The following ACOT13 variants were observed in gnomAD, a reference collection of about 807,000 sequenced individuals.
The protein encoded by ACOT13 is acyl-coenzyme A thioesterase 13.
A neutral mutation model predicts 11.8 loss-of-function variants in ACOT13; 10 were observed. The ratio of observed to expected loss-of-function variants is 0.85; its 90% CI spans 0.53 to 1.44. The LOEUF is 1.44. ACOT13 is among the 40% of genes most tolerant of loss of function. The probability of loss-of-function intolerance (pLI) is 0.00; values close to 1 mark genes in which losing one functional copy is unlikely to be tolerated. For missense variants in ACOT13, 172 were observed against 174.1 expected, an observed-to-expected ratio of 0.99 and a Z score of 0.07; for synonymous variants, 53 against 61.0, an observed-to-expected ratio of 0.87 and a Z score of 0.61.
intron 1 of ACOT13, among the ~76,000 whole-genome samples, chr6:24,676,831 T>A (rs1415415590): frequency 5.9e-5 from 9 of 152,216 alleles, no homozygotes; most frequent in Non-Finnish European, 2.9e-5. Context: ...TCTTTAGGTT[T>A]CTGTACAGCC....
At chr6:24,667,992 C>A (rs1778290573) in intron 1 of ACOT13, among the ~76,000 whole-genome samples, 1 of 152,162 alleles carries the variant, frequency 6.6e-6, no homozygotes. Context: ...GCAACCTCCA[C>A]CTCCCTGGTT....
chr6:24,669,206 G>A (rs12214903), intron 1 of ACOT13, among the ~76,000 whole-genome samples: 5,229 of 152,336 alleles, frequency 0.034, 144 homozygotes, highest in Middle Eastern at 0.12. Flanking sequence ...TGTGCCCAAG[G>A]TGGTCAGAGC....
intron 1 of ACOT13, among the ~76,000 whole-genome samples, chr6:24,689,828 G>A (rs994771049): frequency 3.9e-5 from 6 of 152,128 alleles, no homozygotes; most frequent in Admixed American, 1.3e-4. Context: ...GAACTCAAGA[G>A]TTATTCATAT....
intron 2 of ACOT13, among the ~76,000 whole-genome samples, chr6:24,698,771 G>A (rs867042702): frequency 6.6e-6 from 1 of 151,752 alleles, no homozygotes; most frequent in African/African-American, 2.4e-5. Flanking sequence ...CCTAGTAGCT[G>A]GGATTACAGG....
At chr6:24,674,579 T>A (rs915414444) in intron 1 of ACOT13, among the ~76,000 whole-genome samples, 3 of 151,660 alleles carry the variant, frequency 2.0e-5, no homozygotes, top group Non-Finnish European at 4.4e-5. Context: ...TGGCTAATTT[T>A]CATTTTTTGT....
chr6:24,681,059 T>C lies in ACOT13; in HGVS notation c.81+13715T>C, dbSNP rs541597838. On this transcript the variant is annotated intron_variant, in intron 1 of 2. Transcript: ENST00000230048. ...TCGGACCTTTGTATGGTAATTAAGA[T>C]TTAAATCCTTTGTTAGGAAATCTGC... Among the ~76,000 whole-genome samples the C allele has an allele frequency of 9.2e-5, 14 of 152,372 alleles. No individual in the cohort carries two copies. The South Asian group carries it at 2.9e-3, about 32-fold the overall frequency.
At chr6:24,672,329 T>G (rs554596295) in intron 1 of ACOT13, among the ~76,000 whole-genome samples, 1 of 152,222 alleles carries the variant, frequency 6.6e-6, no homozygotes. Context: ...ATCTATAAAA[T>G]TTTAAACTTG....
intron 1 of ACOT13, among the ~76,000 whole-genome samples, chr6:24,672,958 C>A (rs577349620): frequency 2.3e-4 from 35 of 152,158 alleles, no homozygotes; most frequent in African/African-American, 8.4e-4. Context: ...TTCTACGGGG[C>A]CTGAAGATGA....
At chr6:24,679,066 G>A (rs1370025634) in intron 1 of ACOT13, among the ~76,000 whole-genome samples, 1 of 152,224 alleles carries the variant, frequency 6.6e-6, no homozygotes, top group East Asian at 1.9e-4. Context: ...AAGGGGCATG[G>A]ACGAGGGGGC....
intron 1 of ACOT13, among the ~76,000 whole-genome samples, chr6:24,678,810 G>T (rs1230981075): frequency 6.6e-6 from 1 of 152,228 alleles, no homozygotes; most frequent in East Asian, 1.9e-4. Context: ...GATAGTGACA[G>T]ATCTGGAGGA....
chr6:24,670,531 T>C (rs1051090755), intron 1 of ACOT13, among the ~76,000 whole-genome samples: 7 of 152,212 alleles, frequency 4.6e-5, no homozygotes, highest in African/African-American at 1.7e-4. Flanking sequence ...AGTACACCTT[T>C]CCACTCAAAG....
chr6:24,697,363 T>C (rs1367660938), intron 1 of ACOT13, among the ~76,000 whole-genome samples: 1 of 152,204 alleles, frequency 6.6e-6, no homozygotes, highest in East Asian at 1.9e-4. Flanking sequence ...ATTAAACCTA[T>C]AATGAGTTAA....
At chr6:24,672,140 A>G (rs1778375463) in intron 1 of ACOT13, among the ~76,000 whole-genome samples, 1 of 152,222 alleles carries the variant, frequency 6.6e-6, no homozygotes, top group Non-Finnish European at 1.5e-5. Flanking sequence ...ATATCACAAA[A>G]ATAGGATCAC....
At chr6:24,667,551 G>T (rs1486503367) in intron 1 of ACOT13, among the ~76,000 whole-genome samples, 1 of 152,172 alleles carries the variant, frequency 6.6e-6, no homozygotes, top group East Asian at 1.9e-4. Flanking sequence ...TCTAAACATA[G>T]ATAAGTATGG....
At chr6:24,676,481 T>A (rs1778456713) in intron 1 of ACOT13, among the ~76,000 whole-genome samples, 1 of 151,060 alleles carries the variant, frequency 6.6e-6, no homozygotes, top group African/African-American at 2.4e-5. Context: ...TTATTCTCTT[T>A]GAAGCAATTG....
rs1562165060 is a variant in ACOT13 at position 24,703,179 on chromosome 6, T to A, written c.*1564T>A. The A allele has an allele frequency of 6.6e-6, 1 of 152,240 alleles. No homozygotes were observed. The highest frequency in any genetic ancestry group is 1.9e-4 in the East Asian group (1 of 5,204). The allele number at this position is 152,240 out of a possible 1,614,324, so 9.4% of individuals were successfully genotyped here. A position where few individuals can be genotyped will look rare whatever the true frequency, so the allele number is the denominator to read the frequency against. On this transcript the variant is annotated 3_prime_UTR_variant, in exon 3 of 3. Coordinates refer to ENST00000230048, the MANE Select transcript of ACOT13 (RefSeq NM_018473.4). ...GTGTGAACCACTGCACCCAGCTGAC[T>A]CTTACTTGATTTCTGTCAGGGAATC...
intron 1 of ACOT13, among the ~76,000 whole-genome samples, chr6:24,684,901 TCTC>T (rs748850150): frequency 6.6e-6 from 1 of 152,074 alleles, no homozygotes; most frequent in Non-Finnish European, 1.5e-5. Flanking sequence ...GGTCTCCTCT[TCTC>T]TGAAGGCTGA....
chr6:24,692,849 A>G (rs535710504), intron 1 of ACOT13, among the ~76,000 whole-genome samples: 92 of 152,356 alleles, frequency 6.0e-4, no homozygotes, highest in African/African-American at 2.1e-3. Context: ...AGTACTCTCA[A>G]CCATTAAGCG....
At chr6:24,694,360 T>C (rs1450024449) in intron 1 of ACOT13, among the ~76,000 whole-genome samples, 1 of 152,140 alleles carries the variant, frequency 6.6e-6, no homozygotes, top group Non-Finnish European at 1.5e-5. Context: ...CAGGTGATAT[T>C]TGAGGGTAGG....
Sources: allele counts gnomAD v4.1 joint callset (sites outside exome capture counted in the v4.1 genomes callset), GRCh38; gene constraint gnomAD v4.1.1; transcripts MANE v1.5; gene names NCBI Gene and HGNC (gene_info 2026-07-23, HGNC 2026-07-21).